The following TRAP1 variants were observed in gnomAD, a reference collection of about 807,000 sequenced individuals.
TRAP1 encodes TNF receptor associated protein 1.
A neutral mutation model predicts 89.1 loss-of-function variants in TRAP1; 102 were observed. The ratio of observed to expected loss-of-function variants is 1.15; its 90% CI spans 0.98 to 1.35. The LOEUF is 1.35. TRAP1 is among the 40% of genes most tolerant of loss of function. TRAP1 has a pLI of 0.00. For synonymous variants in TRAP1, 508 were observed against 388.0 expected, an observed-to-expected ratio of 1.31 and a Z score of -3.64; for missense variants, 1,256 against 945.3, an observed-to-expected ratio of 1.33 and a Z score of -4.31.
At chr16:3,669,118 T>C (rs926910944) in intron 11 of TRAP1, among the ~76,000 whole-genome samples, 1 of 152,110 alleles carries the variant, frequency 6.6e-6, no homozygotes, top group Admixed American at 6.6e-5. Context: ...ATGGACAAGG[T>C]GGGGACAACT....
At position 3,703,753 on chromosome 16, in the gene TRAP1, C is replaced by T. The variant is rs1042864643; in HGVS notation, c.89-12768G>A. 1.4e-4 allele frequency among the ~76,000 whole-genome samples: 21 copies of T among 152,148 alleles called. No homozygotes were observed. The South Asian group carries it at 2.9e-3, about 21-fold the overall frequency. On this transcript the variant is annotated intron_variant, in intron 1 of 17. Transcript: ENST00000246957. ...AAGTTAGGCTGGGCGCGGTGGCTTA[C>T]GCCTGTAATCCCAGCACTTTGGGAG...
intron 1 of TRAP1, among the ~76,000 whole-genome samples, chr16:3,709,561 G>A (rs1178016660): frequency 1.3e-5 from 2 of 152,118 alleles, no homozygotes; most frequent in South Asian, 4.1e-4. Context: ...GCTCTGTGGC[G>A]ACAGGAAACA....
At chr16:3,687,381 T>C (rs1157113337) in intron 3 of TRAP1, 1 of 152,248 alleles carries the variant, frequency 6.6e-6, no homozygotes, top group Non-Finnish European at 1.5e-5. Flanking sequence ...CTTTGGTAAA[T>C]TGCCCAGTCT....
chr16:3,694,571 CAA>C (rs2051261370), intron 1 of TRAP1, among the ~76,000 whole-genome samples: 2 of 152,144 alleles, frequency 1.3e-5, no homozygotes, highest in Non-Finnish European at 2.9e-5. Flanking sequence ...CTCCTGACCT[CAA>C]GTGATCTGCC....
rs747494721 is a variant in TRAP1 at position 3,672,658 on chromosome 16, C to G, written c.1165+42G>C. 3.2e-6 allele frequency: 5 copies of G among 1,581,294 alleles called. No homozygotes were observed. The South Asian group carries it at 4.6e-5, about 15-fold the overall frequency. The stretch of plus-strand genomic sequence containing the variant: ...TCCCTCACAGATGCAGCGGGCGACA[C>G]TGGGCCACGGGGGCACTGCTCACGG... On this transcript the variant is annotated intron_variant, in intron 10 of 17. Transcript: ENST00000246957.
At chr16:3,677,122 G>A (rs978011312) in intron 6 of TRAP1, among the ~76,000 whole-genome samples, 1 of 152,016 alleles carries the variant, frequency 6.6e-6, no homozygotes, top group African/African-American at 2.4e-5. Flanking sequence ...GTGGGCTGGG[G>A]AGACAAAGCC....
chr16:3,664,540 G>A (rs570638658), intron 12 of TRAP1, 81 bp from the exon 13 acceptor site: 32 of 1,435,076 alleles, frequency 2.2e-5, no homozygotes, highest in South Asian at 1.7e-4. Context: ...CAAACCCTCC[G>A]ATGCCCATGG....
intron 1 of TRAP1, among the ~76,000 whole-genome samples, chr16:3,708,568 C>T (rs912924163): frequency 5.9e-5 from 9 of 151,940 alleles, no homozygotes; most frequent in Non-Finnish European, 8.8e-5. Context: ...ACCTGGGAGA[C>T]GGAGGTTGCA....
intron 10 of TRAP1, 46 bp downstream of exon 10, chr16:3,672,654 G>A (rs1412104399): frequency 7.6e-6 from 12 of 1,574,794 alleles, no homozygotes; most frequent in East Asian, 4.6e-5. Flanking sequence ...TGCAGCGGGC[G>A]ACACTGGGCC....
At chr16:3,660,059 AC>A (rs1281476845) in intron 16 of TRAP1, 1 of 152,226 alleles carries the variant, frequency 6.6e-6, no homozygotes, top group East Asian at 1.9e-4. Context: ...GCACATCCTC[AC>A]ATTTCTAGTC....
chr16:3,679,877 G>C (rs933618022), intron 4 of TRAP1, 87 bp from the exon 5 acceptor site: 1 of 1,348,202 alleles, frequency 7.4e-7, no homozygotes, highest in African/African-American at 1.4e-5. Context: ...CTCAAGTGGT[G>C]TCAATGACAT....
intron 6 of TRAP1, chr16:3,676,955 G>C (rs941732900): frequency 3.9e-5 from 6 of 154,708 alleles, no homozygotes; most frequent in African/African-American, 1.4e-4. Context: ...TCAGGAGGCT[G>C]AGGCAGGCCA....
chr16:3,681,422 C>A (rs943335832), intron 4 of TRAP1, among the ~76,000 whole-genome samples: 18 of 152,172 alleles, frequency 1.2e-4, no homozygotes, highest in African/African-American at 4.3e-4. Context: ...GTAGGCAGCA[C>A]AGGCAGAATG....
intron 1 of TRAP1, among the ~76,000 whole-genome samples, chr16:3,710,608 G>A (rs1225573449): frequency 6.6e-6 from 1 of 152,106 alleles, no homozygotes; most frequent in Non-Finnish European, 1.5e-5. Flanking sequence ...AGTCAGCCTC[G>A]TGGAAAATTC....
At chr16:3,675,564 A>C (rs1443605445) in intron 7 of TRAP1, among the ~76,000 whole-genome samples, 167 bp from the exon 8 acceptor site, 1 of 152,144 alleles carries the variant, frequency 6.6e-6, no homozygotes, top group East Asian at 1.9e-4. Context: ...TCCTCCCCCC[A>C]GTCTCACGGG....
In TRAP1 at chr16:3,712,069, T is replaced by C. The variant is rs143510984; in HGVS notation, c.88+5352A>G. On this transcript the variant is annotated intron_variant, in intron 1 of 17. Transcript: ENST00000246957. Reference sequence around the variant, plus strand: ...ACTTTGGGAGGCCAAAGCAGGCAGATCAAAAGGTCAAAAGATTGAGACCAT... The same window carrying C: ...ACTTTGGGAGGCCAAAGCAGGCAGACCAAAAGGTCAAAAGATTGAGACCAT... Among the ~76,000 whole-genome samples, 1,336 of 152,052 alleles carry C rather than the reference T, an allele frequency of 8.8e-3. 7 individuals are homozygous for C. The highest frequency in any genetic ancestry group is 0.025 in the African/African-American group (1,025 of 41,466).
intron 1 of TRAP1, among the ~76,000 whole-genome samples, chr16:3,695,601 A>T (rs1394599910): frequency 6.6e-6 from 1 of 152,142 alleles, no homozygotes; most frequent in Non-Finnish European, 1.5e-5. Flanking sequence ...AACAGGGCGC[A>T]CATGAACACA....
chr16:3,676,234 A>T, intron 6 of TRAP1, 89 bp from the exon 7 acceptor site: 1 of 1,128,762 alleles, frequency 8.9e-7, no homozygotes, highest in Non-Finnish European at 1.3e-6. Flanking sequence ...AGGGTTTCAT[A>T]GGCAGAGCCC....
intron 16 of TRAP1, chr16:3,661,600 T>G (rs776773076): frequency 5.2e-6 from 1 of 192,212 alleles, no homozygotes; most frequent in Non-Finnish European, 1.1e-5. Context: ...AATGAACTTG[T>G]GGCAGCCCCT....
Sources: gnomAD v4.1 joint callset for allele counts (sites outside exome capture counted in the v4.1 genomes callset) on GRCh38, gnomAD v4.1.1 for gene constraint, MANE v1.5 for transcripts, NCBI Gene and HGNC (gene_info 2026-07-23, HGNC 2026-07-21) for gene names.